The following CLEC7A variants were observed in gnomAD, a reference collection of about 807,000 sequenced individuals.
The protein encoded by CLEC7A is C-type lectin domain family 7 member A.
A neutral mutation model predicts 26.9 loss-of-function variants in CLEC7A; 25 were observed. The observed-to-expected ratio is 0.93, with a 90% CI of 0.68 to 1.30. The LOEUF is 1.30. Among genes scored for constraint, CLEC7A ranks in the 50% most tolerant of loss-of-function variants. The pLI is 0.00. For missense variants in CLEC7A, 275 were observed against 286.7 expected (o/e 0.96, Z 0.29); for synonymous variants, 100 against 99.5 (o/e 1.01, Z -0.03).
chr12:10,123,402 G>GTGAGAA, intron 4 of CLEC7A, 39 bp from the exon 5 acceptor site: 1 of 1,111,494 alleles, frequency 9.0e-7, no homozygotes, highest in Non-Finnish European at 1.4e-6. Flanking sequence ...TAAAGAGAGA[G>GTGAGAA]AGAGAGAGAG....
chr12:10,129,196 C>T (rs1948407492), intron 1 of CLEC7A, among the ~76,000 whole-genome samples: 1 of 151,944 alleles, frequency 6.6e-6, no homozygotes. Context: ...ACTGGTATAC[C>T]AATAATTGTT....
intron 5 of CLEC7A, among the ~76,000 whole-genome samples, chr12:10,121,684 T>A (rs1285284333): frequency 6.6e-6 from 1 of 152,214 alleles, no homozygotes; most frequent in East Asian, 1.9e-4. Flanking sequence ...ACATTAAAAT[T>A]ATAGCCTTAA....
At chr12:10,120,925 G>A (rs188951362) in intron 5 of CLEC7A, among the ~76,000 whole-genome samples, 14 of 151,266 alleles carry the variant, frequency 9.3e-5, no homozygotes, top group Non-Finnish European at 1.5e-4. Flanking sequence ...AGCTGGTGAC[G>A]CATAGCTGTA....
Position 10,118,421 on chromosome 12 carries a change from A to G in CLEC7A, c.*37T>C. The stretch of plus-strand genomic sequence containing the variant: ...TGTTCTGTTTTCTGTCCTCCTTACT[A>G]CCTCACATATTTCTCTCTCCTTCTC... On this transcript the variant is annotated 3_prime_UTR_variant, in exon 6 of 6. Coordinates refer to ENST00000304084, the MANE Select transcript of CLEC7A (RefSeq NM_197947.3). 6.4e-7 allele frequency: 1 copy of G among 1,574,078 alleles called. No homozygotes were observed. Among genetic ancestry groups the G allele is most frequent in the Non-Finnish European group, 8.7e-7 (1 of 1,145,908 alleles).
chr12:10,120,590 A>G (rs1948047735), intron 5 of CLEC7A, among the ~76,000 whole-genome samples: 1 of 150,264 alleles, frequency 6.7e-6, no homozygotes, highest in Non-Finnish European at 1.5e-5. Flanking sequence ...TCTAATTTTT[A>G]TATCTTTTTT....
Position 10,126,065 on chromosome 12 carries a change from C to A in CLEC7A, c.340+506G>T, listed in dbSNP as rs953230657. On this transcript the variant is annotated intron_variant, in intron 3 of 5. Coordinates refer to ENST00000304084, the MANE Select transcript of CLEC7A (RefSeq NM_197947.3). ...AAGTAAATGAAATTGTATGATTAAACAAATTTGATGAGTTTTCAGGGACAT... is the reference window on the plus strand; with the variant it reads ...AAGTAAATGAAATTGTATGATTAAAAAAATTTGATGAGTTTTCAGGGACAT... 7.9e-6 allele frequency: 4 copies of A among 504,674 alleles called. No individual in the cohort carries two copies. The African/African-American group carries it at 8.4e-5, about 11-fold the overall frequency. 31.3% of individuals were successfully genotyped at this position (504,674 alleles called of 1,614,324 possible).
In CLEC7A at chr12:10,127,306, T is replaced by C. The variant is rs1029215670; in HGVS notation, c.202+441A>G. On this transcript the variant is annotated intron_variant, in intron 2 of 5. Transcript: ENST00000304084. ...TCGGAAATAATTTCCTTAAATAATG[T>C]GAATCATAAAAATAGCTTAATGTCC... is the stretch of plus-strand genomic sequence containing the variant. The C allele has an allele frequency of 4.4e-5, 66 of 1,507,168 alleles. No individual in the cohort carries two copies. In the Middle Eastern group the frequency reaches 1.1e-3, roughly 25 times the overall value. The allele number at this position is 1,507,168 out of a possible 1,614,324, so 93.4% of individuals were successfully genotyped here.
Position 10,123,291 on chromosome 12 carries a change from C to T in CLEC7A, c.565G>A (p.Glu189Lys). 6.2e-7 allele frequency: 1 copy of T among 1,613,534 alleles called. No homozygotes were observed. The highest frequency in any genetic ancestry group is 8.5e-7 in the Non-Finnish European group (1 of 1,179,474). Reference sequence around the variant, plus strand: ...CCATCCTCCCAGAGCCATGGTACCTCAGTCTGGGGCCGAGAAAGGCCTATC... The same window carrying T: ...CCATCCTCCCAGAGCCATGGTACCTTAGTCTGGGGCCGAGAAAGGCCTATC... The part of the protein sequence containing the change: ...FWIGLSRPQT[E>K]VPWLWEDGST... The change falls in exon 5 of 6, where the codon GAG (glutamate) becomes AAG (lysine). Residue 189 changes from glutamate to lysine, a missense_variant. Transcript: ENST00000304084.
chr12:10,127,900 G>T (rs1948350476), intron 1 of CLEC7A, 55 bp from the exon 2 acceptor site: 3 of 1,241,108 alleles, frequency 2.4e-6, no homozygotes, highest in Non-Finnish European at 3.4e-6. Context: ...ACGGATGGTG[G>T]GGCAGTTTAA....
At chr12:10,123,073 A>G (rs1948147091) in intron 5 of CLEC7A, among the ~76,000 whole-genome samples, 172 bp downstream of exon 5, 1 of 151,806 alleles carries the variant, frequency 6.6e-6, no homozygotes, top group South Asian at 2.1e-4. Flanking sequence ...GGTCCTCCTC[A>G]TCTTTCTCCT....
At chr12:10,118,659 ATAAAT>A in intron 5 of CLEC7A, 69 bp from the exon 6 acceptor site, 2 of 1,317,722 alleles carry the variant, frequency 1.5e-6, no homozygotes, top group Non-Finnish European at 2.1e-6. Context: ...TGGCGCACAA[ATAAAT>A]TAGTAAGGAT....
At chr12:10,127,568 C>G (rs577057281) in intron 2 of CLEC7A, 179 bp downstream of exon 2, 17 of 1,005,396 alleles carry the variant, frequency 1.7e-5, no homozygotes, top group Non-Finnish European at 2.7e-5. Context: ...AATAACCTCT[C>G]AGTCTCTCAC....
chr12:10,127,777 G>A lies in CLEC7A; in HGVS notation c.172C>T (p.Leu58=), dbSNP rs746020801. Residue 58 remains leucine (L), a synonymous_variant, in exon 2 of 6, where the codon CTG becomes TTG. Coordinates refer to ENST00000304084, the MANE Select transcript of CLEC7A (RefSeq NM_197947.3). ...GTACCCAGGACCACAGCTATCACCAGTATTACCAAGCATAGGATTCCCAAA... is the reference window on the plus strand; with the variant it reads ...GTACCCAGGACCACAGCTATCACCAATATTACCAAGCATAGGATTCCCAAA... ...VILGILCLVI[L]VIAVVLGTMA... is the part of the protein sequence containing the mutation. 2.5e-6 allele frequency: 4 copies of A among 1,590,596 alleles called. No individual in the cohort carries two copies. Among genetic ancestry groups the A allele is most frequent in the African/African-American group, 2.7e-5 (2 of 74,642 alleles).
intron 1 of CLEC7A, among the ~76,000 whole-genome samples, chr12:10,129,427 T>C (rs182510981): frequency 7.9e-5 from 12 of 152,348 alleles, no homozygotes; most frequent in South Asian, 4.1e-4. Context: ...AGAGAAATTC[T>C]ATTTTCTGCC....
rs1209802104 is a variant in CLEC7A at position 10,126,598 on chromosome 12, T to C, written c.313A>G (p.Thr105Ala). ...GTGGTTTTGACAGCTTTGGTAGGAG[T>C]CACACTGTCTTCTAAAGATGATTGT... ...PTQSSLEDSV[T>A]PTKAVKTTGV... The change falls in exon 3 of 6, where the codon ACT (threonine) becomes GCT (alanine). Residue 105 changes from threonine to alanine, a missense_variant. Thr to Ala is a moderately conservative substitution (Grantham distance 58). Transcript: ENST00000304084. 1.2e-6 allele frequency: 2 copies of C among 1,610,160 alleles called. No homozygotes were observed. Among genetic ancestry groups the C allele is most frequent in the African/African-American group, 2.7e-5 (2 of 74,602 alleles).
chr12:10,125,127 GATGTCGCGGCTT>G, intron 4 of CLEC7A, 158 bp downstream of exon 4: 1 of 698,248 alleles, frequency 1.4e-6, no homozygotes, highest in Non-Finnish European at 2.6e-6. Flanking sequence ...TTGAGCCTGG[GATGTCGCGGCTT>G]CACTGCACTC....
rs550747530 is a variant in CLEC7A at position 10,128,100 on chromosome 12, T to C, written c.104-255A>G. 2.7e-5 allele frequency among the ~76,000 whole-genome samples: 4 copies of C among 150,756 alleles called. No homozygotes were observed. The East Asian group carries it at 7.8e-4, about 29-fold the overall frequency. ...GAAAAAAAATTTAATTAGCTGGGCA[T>C]TGTGGTGAGCTCCCGTAGTCCCAGC... On this transcript the variant is annotated intron_variant, in intron 1 of 5. Transcript: ENST00000304084.
chr12:10,123,767 CAAA>C (rs372400404), intron 4 of CLEC7A, among the ~76,000 whole-genome samples: 113 of 124,554 alleles, frequency 9.1e-4, no homozygotes, highest in Middle Eastern at 3.7e-3. Context: ...GACTCCGTCT[CAAA>C]AAAAAAAAAA....
intron 4 of CLEC7A, 30 bp downstream of exon 4, chr12:10,125,267 C>A: frequency 6.3e-7 from 1 of 1,598,834 alleles, no homozygotes; most frequent in Non-Finnish European, 8.6e-7. Flanking sequence ...ATACACACCA[C>A]AGATAATCAT....
Sources: allele counts gnomAD v4.1 joint callset (sites outside exome capture counted in the v4.1 genomes callset), GRCh38; gene constraint gnomAD v4.1.1; transcripts MANE v1.5; gene names NCBI Gene and HGNC (gene_info 2026-07-23, HGNC 2026-07-21).